The following SORL1 variants were observed in gnomAD, a reference collection of about 807,000 sequenced individuals.
SORL1 encodes the protein sortilin related receptor 1.
In SORL1, 127 loss-of-function variants were observed where a neutral mutation model predicts 273.7. The observed-to-expected ratio is 0.46, with a 90% CI of 0.40 to 0.54. The LOEUF (loss-of-function observed/expected upper bound fraction) is 0.54, where lower values mean the gene tolerates loss of function less well. Among genes scored for constraint, SORL1 ranks in the 20% least tolerant of loss-of-function variants. The probability of loss-of-function intolerance (pLI) is 0.00; values close to 1 mark genes in which losing one functional copy is unlikely to be tolerated. For synonymous variants in SORL1, 1,031 were observed against 1,067.4 expected (o/e 0.97, Z 0.66); for missense variants, 2,494 against 2,846.1 (o/e 0.88, Z 2.81).
chr11:121,567,149 T>C lies in SORL1; in HGVS notation c.3223+36T>C, dbSNP rs751289490. 3.9e-6 allele frequency: 6 copies of C among 1,548,008 alleles called. No homozygotes were observed. The East Asian group carries it at 1.4e-4, about 35-fold the overall frequency. On this transcript the variant is annotated intron_variant, in intron 22 of 47. Transcript: ENST00000260197. ...TTTTCTTTTTTGCCTGTCATCCTCC[T>C]TCCTTTGTTTCCTGCTCCCCGCCAG...
At chr11:121,483,593 A>C (rs1861428292) in intron 3 of SORL1, among the ~76,000 whole-genome samples, 2 of 152,200 alleles carry the variant, frequency 1.3e-5, no homozygotes, top group African/African-American at 4.8e-5. Context: ...TACTGCAAAC[A>C]GGGTTGGAGA....
At chr11:121,624,950 A>G in intron 45 of SORL1, 135 bp from the exon 46 acceptor site, 1 of 591,510 alleles carries the variant, frequency 1.7e-6, no homozygotes, top group Non-Finnish European at 3.0e-6. Flanking sequence ...ATGTAAAAAG[A>G]ACAAGGAGAA....
chr11:121,526,573 G>C (rs952639885), intron 11 of SORL1, among the ~76,000 whole-genome samples: 1 of 152,026 alleles, frequency 6.6e-6, no homozygotes, highest in Non-Finnish European at 1.5e-5. Flanking sequence ...TAATACTATT[G>C]AGTCTTCTGA....
At chr11:121,613,605 T>C (rs916928913) in intron 40 of SORL1, among the ~76,000 whole-genome samples, 9 of 152,248 alleles carry the variant, frequency 5.9e-5, no homozygotes, top group African/African-American at 2.2e-4. Context: ...CTTTTGCACA[T>C]TGAGCACCTA....
intron 18 of SORL1, among the ~76,000 whole-genome samples, chr11:121,556,531 AGCAC>A (rs1862589033): frequency 6.6e-6 from 1 of 152,208 alleles, no homozygotes; most frequent in African/African-American, 2.4e-5. Context: ...GCGTGTGGTC[AGCAC>A]TTGGCTAGGG....
chr11:121,465,394 G>C (rs757472161), intron 1 of SORL1, among the ~76,000 whole-genome samples: 8 of 151,842 alleles, frequency 5.3e-5, no homozygotes, highest in Non-Finnish European at 8.8e-5. Context: ...CCAAAGACAA[G>C]CCCCCCCGCC....
rs762762790 is a variant in SORL1 at position 121,496,858 on chromosome 11, T to G, written c.759-11T>G. 1.9e-6 allele frequency: 3 copies of G among 1,575,098 alleles called. No homozygotes were observed. Among genetic ancestry groups the G allele is most frequent in the Non-Finnish European group, 2.6e-6 (3 of 1,164,936 alleles). On this transcript the variant is annotated splice_polypyrimidine_tract_variant and intron_variant, in intron 5 of 47. Transcript: ENST00000260197. ...GCAAATGATAACAACCTTTTTTTTTTTTTCTGCCAGGGGAATTGATCCCTA... is the reference window on the plus strand; with the variant it reads ...GCAAATGATAACAACCTTTTTTTTTGTTTCTGCCAGGGGAATTGATCCCTA...
chr11:121,606,901 A>G lies in SORL1; in HGVS notation c.5005A>G (p.Ile1669Val). 1 of 1,614,126 alleles carries G rather than the reference A, an allele frequency of 6.2e-7. No individual in the cohort carries two copies. The highest frequency in any genetic ancestry group is 8.5e-7 in the Non-Finnish European group (1 of 1,180,006). Reference protein sequence around the residue: ...LSLPREAEGVIVGHWAPPIHT... With the variant: ...LSLPREAEGVVVGHWAPPIHT... Reference sequence around the variant, plus strand: ...ACTCCCCAGGGAAGCAGAAGGTGTGATTGTAGGCCACTGGGCTCCTCCCAT... The same window carrying G: ...ACTCCCCAGGGAAGCAGAAGGTGTGGTTGTAGGCCACTGGGCTCCTCCCAT... The change falls in exon 36 of 48, where the codon ATT becomes GTT. Residue 1669 changes from isoleucine (I) to valine (V), a missense_variant. By Grantham distance (29) the Ile-to-Val change is conservative. Around this residue, in one of 3 missense-constraint regions of SORL1, gnomAD observed 1,609 missense variants for 1,816.4 expected, o/e 0.89. Transcript: ENST00000260197.
intron 1 of SORL1, among the ~76,000 whole-genome samples, chr11:121,465,203 G>T (rs1348371846): frequency 6.6e-6 from 1 of 152,044 alleles, no homozygotes; most frequent in Non-Finnish European, 1.5e-5. Context: ...CCACTAATCA[G>T]CTTTCTCTCC....
At chr11:121,574,951 C>CT (rs776272213) in intron 24 of SORL1, among the ~76,000 whole-genome samples, 104 of 148,346 alleles carry the variant, frequency 7.0e-4, no homozygotes, top group Non-Finnish European at 1.0e-3. Flanking sequence ...GTGAACTGTT[C>CT]TTTTTTTTTT....
At chr11:121,618,931 T>A (rs1863681259) in intron 42 of SORL1, 38 bp downstream of exon 42, 2 of 1,612,268 alleles carry the variant, frequency 1.2e-6, no homozygotes, top group Non-Finnish European at 1.7e-6. Flanking sequence ...TTAAGGGATG[T>A]CTTAAGTCCT....
rs901088971 is a variant in SORL1 at position 121,596,333 on chromosome 11, G to A, written c.4519+561G>A. ...CATTCTCTACGGGTTTGGAGTTGGT[G>A]GGTCCTGGTGTTTGGTCCTCTGATG... On this transcript the variant is annotated intron_variant, in intron 32 of 47. Transcript: ENST00000260197. This position sits in a 1 kb window ranked among gnomAD's most constrained non-coding sequence, Gnocchi z 4.3. 2.6e-5 allele frequency among the ~76,000 whole-genome samples: 4 copies of A among 152,204 alleles called. No homozygotes were observed. The highest frequency in any genetic ancestry group is 1.5e-5 in the Non-Finnish European group (1 of 68,042).
At chr11:121,619,015 C>A in intron 42 of SORL1, 122 bp downstream of exon 42, 2 of 980,172 alleles carry the variant, frequency 2.0e-6, no homozygotes, top group Non-Finnish European at 3.1e-6. Flanking sequence ...TGACGAGAGG[C>A]AACTTCCTCT....
chr11:121,542,463 A>T (rs1225090468), intron 12 of SORL1, among the ~76,000 whole-genome samples: 2 of 151,050 alleles, frequency 1.3e-5, no homozygotes, highest in African/African-American at 2.4e-5. Flanking sequence ...TGTGGCCTTG[A>T]TTTTTTTTTG....
intron 7 of SORL1, among the ~76,000 whole-genome samples, chr11:121,513,587 T>C (rs1168308378): frequency 6.6e-6 from 1 of 152,104 alleles, no homozygotes; most frequent in Admixed American, 6.5e-5. Context: ...TGAAGATGGA[T>C]AGGAAAAGTC....
chr11:121,531,944 A>T (rs913921928), intron 11 of SORL1, among the ~76,000 whole-genome samples: 1 of 152,186 alleles, frequency 6.6e-6, no homozygotes, highest in Non-Finnish European at 1.5e-5. Flanking sequence ...GCAAAGCTTT[A>T]CCAGGATATT....
At chr11:121,576,269 G>C (rs531740317) in intron 24 of SORL1, among the ~76,000 whole-genome samples, 60 of 152,316 alleles carry the variant, frequency 3.9e-4, no homozygotes, top group African/African-American at 1.4e-3. Context: ...TCTAGTGAGG[G>C]CCTGTTCCTC....
intron 31 of SORL1, 79 bp downstream of exon 31, chr11:121,591,235 T>C: frequency 1.3e-6 from 2 of 1,497,984 alleles, no homozygotes; most frequent in Non-Finnish European, 1.8e-6. Flanking sequence ...CTGGGCACAA[T>C]CCAACCGGGC....
At chr11:121,475,956 C>G (rs1861261044) in intron 2 of SORL1, among the ~76,000 whole-genome samples, 1 of 152,064 alleles carries the variant, frequency 6.6e-6, no homozygotes, top group Admixed American at 6.6e-5. Context: ...CCTGCTATGC[C>G]CCAGGTACAC....
Sources: gnomAD v4.1 joint callset for allele counts (sites outside exome capture counted in the v4.1 genomes callset) on GRCh38, gnomAD v4.1.1 for gene constraint, gnomAD v4.1.1 regional missense constraint, Gnocchi (gnomAD v3.1) non-coding constraint, MANE v1.5 for transcripts, NCBI Gene and HGNC (gene_info 2026-07-23, HGNC 2026-07-21) for gene names.